The following NLK variants were observed in gnomAD, a reference collection of about 807,000 sequenced individuals.
NLK encodes the protein nemo like kinase.
A neutral mutation model predicts 59.0 loss-of-function variants in NLK; 11 were observed. The ratio of observed to expected loss-of-function variants is 0.19; its 90% confidence interval spans 0.12 to 0.31. NLK has a LOEUF of 0.31. NLK is among the 10% of genes least tolerant of loss of function. The pLI is 1.00. For missense variants in NLK, 410 were observed against 661.1 expected (o/e 0.62, Z 4.16); for synonymous variants, 235 against 235.9 (o/e 1.00, Z 0.03).
At chr17:28,067,255 G>A (rs1451725787) in intron 1 of NLK, among the ~76,000 whole-genome samples, 1 of 152,092 alleles carries the variant, frequency 6.6e-6, no homozygotes, top group African/African-American at 2.4e-5. Flanking sequence ...TTTCATGTTT[G>A]GGTTAGTTTT....
chr17:28,197,674 C>G (rs1364455570), downstream of NLK, among the ~76,000 whole-genome samples: 1 of 151,912 alleles, frequency 6.6e-6, no homozygotes, highest in Non-Finnish European at 1.5e-5. Flanking sequence ...AGTTTAAGAA[C>G]ATGTGGAAGA....
chr17:28,090,587 T>C (rs1904457499), intron 1 of NLK, among the ~76,000 whole-genome samples: 1 of 152,040 alleles, frequency 6.6e-6, no homozygotes, highest in Non-Finnish European at 1.5e-5. Flanking sequence ...AGCCACGTGG[T>C]AGCTCACACC....
chr17:28,173,794 A>C, intron 7 of NLK, among the ~76,000 whole-genome samples: 1 of 152,202 alleles, frequency 6.6e-6, no homozygotes, highest in East Asian at 1.9e-4. Flanking sequence ...ACATAAAACT[A>C]ATTTACTAAT....
At chr17:28,161,602 C>T (rs1349573838) in intron 4 of NLK, among the ~76,000 whole-genome samples, 8 of 152,262 alleles carry the variant, frequency 5.3e-5, no homozygotes, top group South Asian at 2.1e-4. Context: ...TGGCATCAGA[C>T]GACTAAAGTG....
At chr17:28,134,115 G>A (rs1178612666) in intron 3 of NLK, among the ~76,000 whole-genome samples, 3 of 152,076 alleles carry the variant, frequency 2.0e-5, no homozygotes, top group African/African-American at 7.2e-5. Context: ...AAAGTATAGT[G>A]GGCACAGTGG....
chr17:28,045,106 C>T lies in NLK; in HGVS notation c.458+1775C>T, dbSNP rs139159405. Among the ~76,000 whole-genome samples the T allele has an allele frequency of 1.1e-4, 16 of 152,228 alleles. No individual in the cohort carries two copies. In the East Asian group the frequency reaches 2.9e-3, roughly 28 times the overall value. The stretch of plus-strand genomic sequence containing the variant: ...ACTATGAATCTTTGATATCTGAAAG[C>T]CCACATATATTTGGTTTGAAGCCAT... On this transcript the variant is annotated intron_variant, in intron 1 of 10. Transcript: ENST00000407008.
chr17:28,099,378 C>T (rs1332029755), intron 1 of NLK, among the ~76,000 whole-genome samples: 1 of 152,034 alleles, frequency 6.6e-6, no homozygotes, highest in Non-Finnish European at 1.5e-5. Flanking sequence ...ACAATCAGAA[C>T]GTTGAACAGG....
intron 3 of NLK, 54 bp from the exon 4 acceptor site, chr17:28,161,106 T>C: frequency 1.1e-6 from 1 of 949,776 alleles, no homozygotes; most frequent in Non-Finnish European, 1.7e-6. Context: ...GGTCACCACT[T>C]TGAGGGGGTA....
intron 1 of NLK, among the ~76,000 whole-genome samples, chr17:28,077,851 C>G (rs1246348298): frequency 6.6e-6 from 1 of 151,940 alleles, no homozygotes; most frequent in Non-Finnish European, 1.5e-5. Flanking sequence ...ATTTTAAATT[C>G]CTATCATAGG....
intron 10 of NLK, 25 bp from the exon 11 acceptor site, chr17:28,194,557 T>C: frequency 6.4e-7 from 1 of 1,560,566 alleles, no homozygotes; most frequent in Non-Finnish European, 8.8e-7. Flanking sequence ...TTACAACTAA[T>C]TTCTCCATCT....
At chr17:28,066,426 A>G (rs1310207217) in intron 1 of NLK, among the ~76,000 whole-genome samples, 1 of 152,232 alleles carries the variant, frequency 6.6e-6, no homozygotes, top group East Asian at 1.9e-4. Flanking sequence ...CAGTGGGCAC[A>G]TTTCAGTCCT....
chr17:28,128,436 T>A (rs1302824851), intron 2 of NLK, among the ~76,000 whole-genome samples: 1 of 152,224 alleles, frequency 6.6e-6, no homozygotes, highest in Non-Finnish European at 1.5e-5. Flanking sequence ...AATGTTTTAC[T>A]TGATATTTTT....
chr17:28,047,200 T>C (rs1272952033), intron 1 of NLK, among the ~76,000 whole-genome samples: 1 of 152,236 alleles, frequency 6.6e-6, no homozygotes, highest in African/African-American at 2.4e-5. Flanking sequence ...TAAATGTTAG[T>C]TGTTTTTATT....
At chr17:28,069,263 C>G (rs915813214) in intron 1 of NLK, among the ~76,000 whole-genome samples, 1 of 152,018 alleles carries the variant, frequency 6.6e-6, no homozygotes, top group East Asian at 1.9e-4. Flanking sequence ...GTGTTTTTTT[C>G]TCTTTATTAC....
chr17:28,167,587 C>A (rs1433091381), intron 5 of NLK, among the ~76,000 whole-genome samples: 2 of 151,756 alleles, frequency 1.3e-5, no homozygotes, highest in African/African-American at 2.4e-5. Flanking sequence ...CAGTAGCTCA[C>A]GCCTGTTATC....
intron 3 of NLK, among the ~76,000 whole-genome samples, chr17:28,136,906 T>C (rs1247049420): frequency 3.4e-5 from 5 of 149,006 alleles, no homozygotes; most frequent in Admixed American, 2.0e-4. Flanking sequence ...TGCCTGGCCA[T>C]GTGTCCTGTG....
At chr17:28,191,395 G>C (rs1260150406) in intron 9 of NLK, among the ~76,000 whole-genome samples, 176 bp downstream of exon 9, 1 of 152,172 alleles carries the variant, frequency 6.6e-6, no homozygotes, top group Non-Finnish European at 1.5e-5. Context: ...ATTATATCCA[G>C]GGGAAGGTCG....
At chr17:28,156,125 A>T (rs1411524885) in intron 3 of NLK, among the ~76,000 whole-genome samples, 1 of 152,188 alleles carries the variant, frequency 6.6e-6, no homozygotes, top group Non-Finnish European at 1.5e-5. Context: ...AATATACAAA[A>T]ATATATACAA....
intron 10 of NLK, among the ~76,000 whole-genome samples, chr17:28,192,678 A>G (rs1189144793): frequency 6.6e-6 from 1 of 152,054 alleles, no homozygotes; most frequent in East Asian, 1.9e-4. Flanking sequence ...CAAAAAAAAA[A>G]ACAAAAAACT....
Sources: allele counts gnomAD v4.1 joint callset (sites outside exome capture counted in the v4.1 genomes callset), GRCh38; gene constraint gnomAD v4.1.1; transcripts MANE v1.5; gene names NCBI Gene and HGNC (gene_info 2026-07-23, HGNC 2026-07-21).